The following EIF4EBP2 variants were observed in gnomAD, a reference collection of about 807,000 sequenced individuals.
EIF4EBP2 encodes eukaryotic translation initiation factor 4E-binding protein 2.
EIF4EBP2 carries 5 observed loss-of-function variants against 10.3 expected under a neutral mutation model. That is an observed-to-expected ratio of 0.48 (90% confidence interval 0.25 to 1.02). The LOEUF (loss-of-function observed/expected upper bound fraction) is 1.02, where lower values mean the gene tolerates loss of function less well. Ranked by LOEUF, EIF4EBP2 falls within the 50% of genes least tolerant of loss-of-function variation. The pLI, the probability that EIF4EBP2 is intolerant of heterozygous loss-of-function variation, is 0.15. For synonymous variants in EIF4EBP2, 67 were observed against 61.1 expected (o/e 1.10, Z -0.45); for missense variants, 188 against 162.2 (o/e 1.16, Z -0.86).
intron 1 of EIF4EBP2, among the ~76,000 whole-genome samples, chr10:70,408,972 C>T (rs930969973): frequency 2.0e-5 from 3 of 152,192 alleles, no homozygotes; most frequent in East Asian, 1.9e-4. Context: ...TGGAGGGTCA[C>T]ATACATGTCA....
intron 1 of EIF4EBP2, among the ~76,000 whole-genome samples, chr10:70,418,305 T>C (rs917606045): frequency 2.0e-5 from 3 of 152,352 alleles, no homozygotes; most frequent in Non-Finnish European, 4.4e-5. Flanking sequence ...CCTCCAGAAC[T>C]ATGAGACAAT....
chr10:70,405,207 G>A (rs539233831), intron 1 of EIF4EBP2, among the ~76,000 whole-genome samples: 1 of 152,186 alleles, frequency 6.6e-6, no homozygotes, highest in Admixed American at 6.5e-5. Flanking sequence ...GTAGGGTGCT[G>A]ACAGCCTTAA....
At chr10:70,417,299 T>A (rs1845108070) in intron 1 of EIF4EBP2, among the ~76,000 whole-genome samples, 1 of 151,908 alleles carries the variant, frequency 6.6e-6, no homozygotes, top group African/African-American at 2.4e-5. Context: ...GGTAAAACTA[T>A]ATAGAGACAG....
intron 1 of EIF4EBP2, among the ~76,000 whole-genome samples, chr10:70,419,252 G>T (rs12253011): frequency 0.02 from 3,082 of 152,256 alleles, 43 homozygotes; most frequent in Middle Eastern, 0.12. Flanking sequence ...TAAGCAGCAC[G>T]TTTCCATAAC....
intron 1 of EIF4EBP2, among the ~76,000 whole-genome samples, chr10:70,418,517 C>A (rs1230546184): frequency 1.3e-5 from 2 of 152,140 alleles, no homozygotes; most frequent in Non-Finnish European, 2.9e-5. Context: ...CTTGATAGGG[C>A]TTAGAGACTT....
chr10:70,404,437 C>T lies in EIF4EBP2; in HGVS notation c.36C>T (p.Ser12=). The T allele has an allele frequency of 6.9e-6, 11 of 1,594,228 alleles. No homozygotes were observed. The highest frequency in any genetic ancestry group is 1.1e-5 in the South Asian group (1 of 89,430). ...SSSAGSGHQP[S]QSRAIPTRTV... ...CAGCCGGCAGCGGCCACCAGCCCAG[C>T]CAGAGCCGCGCCATCCCCACCCGCA... The change falls in exon 1 of 3, where the codon AGC becomes AGT. Residue 12 remains serine, a synonymous_variant. Coordinates refer to ENST00000373218, the MANE Select transcript of EIF4EBP2 (RefSeq NM_004096.5).
At chr10:70,413,198 A>G (rs1293638069) in intron 1 of EIF4EBP2, among the ~76,000 whole-genome samples, 3 of 152,084 alleles carry the variant, frequency 2.0e-5, no homozygotes, top group Admixed American at 6.5e-5. Flanking sequence ...TGGCTCCTCT[A>G]GTAGTTATCT....
rs1203410402 is a variant in EIF4EBP2 at position 70,427,805 on chromosome 10, C to CA, written c.*6060dup. ...GGGTGGGAGGCTGGCAGAGATGCTG[C>CA]AATGCTTGATAATCATTTGGCCACA... On this transcript the variant is annotated 3_prime_UTR_variant, in exon 3 of 3. Coordinates refer to ENST00000373218, the MANE Select transcript of EIF4EBP2 (RefSeq NM_004096.5). The CA allele has an allele frequency of 6.6e-6, 1 of 152,104 alleles. No individual in the cohort carries two copies. Among genetic ancestry groups the CA allele is most frequent in the Non-Finnish European group, 1.5e-5 (1 of 68,036 alleles). The allele number at this position is 152,104 out of a possible 1,614,324, so 9.4% of individuals were successfully genotyped here. A position where few individuals can be genotyped will look rare whatever the true frequency, so the allele number is the denominator to read the frequency against.
In EIF4EBP2 at chr10:70,428,222, G is replaced by T. The variant is rs949974949; in HGVS notation, c.*6475G>T. ...AACCTTAAAGAAGGTGTCTTGAAGA[G>T]CCCAGAGGACACTCACGTGCTAAGG... On this transcript the variant is annotated 3_prime_UTR_variant, in exon 3 of 3. Transcript: ENST00000373218. 2.0e-5 allele frequency: 3 copies of T among 151,840 alleles called. No homozygotes were observed. Among genetic ancestry groups the T allele is most frequent in the African/African-American group, 7.3e-5 (3 of 41,356 alleles). 9.4% of individuals were successfully genotyped at this position (151,840 alleles called of 1,614,324 possible).
At position 70,404,560 on chromosome 10, in the gene EIF4EBP2, A is replaced by G. The variant is rs778792323; in HGVS notation, c.145+14A>G. The G allele has an allele frequency of 6.5e-7, 1 of 1,536,982 alleles. No individual in the cohort carries two copies. The highest frequency in any genetic ancestry group is 8.7e-7 in the Non-Finnish European group (1 of 1,146,698). ...CCACACCGGGAGGTGAGCGCCGGCC[A>G]GCCGTCCGCCGCGCCCGGTGTCCCG... On this transcript the variant is annotated intron_variant, in intron 1 of 2. Transcript: ENST00000373218.
At position 70,420,033 on chromosome 10, in the gene EIF4EBP2, G is replaced by T. The variant is rs1240894307; in HGVS notation, c.265G>T (p.Glu89Ter). 6.2e-7 allele frequency: 1 copy of T among 1,613,214 alleles called. No homozygotes were observed. The highest frequency in any genetic ancestry group is 8.5e-7 in the Non-Finnish European group (1 of 1,179,824). ...PGVTSPGTLI[E>*]DSKVEVNNLN... ...AGTCACTAGCCCTGGCACCTTAATTGAAGACTCCAAAGTAGAAGTAAACAA... is the reference window on the plus strand; with the variant it reads ...AGTCACTAGCCCTGGCACCTTAATTTAAGACTCCAAAGTAGAAGTAAACAA... Residue 89 changes from glutamate to a stop codon, truncating the protein, a stop_gained, in exon 2 of 3, where the codon GAA becomes TAA. Transcript: ENST00000373218. LOFTEE classifies it high-confidence loss of function.
rs923738278 is a variant in EIF4EBP2 at position 70,427,688 on chromosome 10, C to T, written c.*5941C>T. 2 of 152,130 alleles carry T rather than the reference C, an allele frequency of 1.3e-5. No homozygotes were observed. The highest frequency in any genetic ancestry group is 2.4e-5 in the African/African-American group (1 of 41,434). 9.4% of individuals were successfully genotyped at this position (152,130 alleles called of 1,614,324 possible). Reference sequence around the variant, plus strand: ...CTCTCTGCCTGCAGCCCTGGCAGACCATACTGTATGTCATGGATACCCAGT... The same window carrying T: ...CTCTCTGCCTGCAGCCCTGGCAGACTATACTGTATGTCATGGATACCCAGT... On this transcript the variant is annotated 3_prime_UTR_variant, in exon 3 of 3. Transcript: ENST00000373218.
intron 1 of EIF4EBP2, among the ~76,000 whole-genome samples, chr10:70,410,366 T>G (rs1845032159): frequency 6.6e-6 from 1 of 152,218 alleles, no homozygotes. Context: ...CCAGCCCTGT[T>G]TCTTTTGTTA....
At chr10:70,410,133 C>T (rs1589146219) in intron 1 of EIF4EBP2, among the ~76,000 whole-genome samples, 1 of 152,106 alleles carries the variant, frequency 6.6e-6, no homozygotes, top group African/African-American at 2.4e-5. Flanking sequence ...GCAATGGCGC[C>T]ATCTTGGCTC....
intron 1 of EIF4EBP2, among the ~76,000 whole-genome samples, chr10:70,412,249 G>A (rs1012491044): frequency 6.6e-6 from 1 of 152,098 alleles, no homozygotes; most frequent in Non-Finnish European, 1.5e-5. Context: ...TTTTATGAGG[G>A]TGTGGGTCCA....
At chr10:70,405,586 C>T (rs563158140) in intron 1 of EIF4EBP2, among the ~76,000 whole-genome samples, 2 of 152,290 alleles carry the variant, frequency 1.3e-5, no homozygotes, top group Admixed American at 6.5e-5. Flanking sequence ...TGGCCTCTTG[C>T]TAGAGGGTGG....
intron 1 of EIF4EBP2, among the ~76,000 whole-genome samples, chr10:70,412,325 G>A (rs1845054360): frequency 6.7e-6 from 1 of 148,782 alleles, no homozygotes; most frequent in African/African-American, 2.5e-5. Flanking sequence ...CTGTCTATTT[G>A]CGTGAGTAAA....
intron 1 of EIF4EBP2, among the ~76,000 whole-genome samples, chr10:70,413,629 AAAG>A (rs1472543272): frequency 1.3e-5 from 2 of 151,618 alleles, no homozygotes; most frequent in East Asian, 1.9e-4. Flanking sequence ...AAAAAAAAAA[AAAG>A]AAATCAGAGT....
intron 1 of EIF4EBP2, among the ~76,000 whole-genome samples, chr10:70,414,916 G>T (rs1845077900): frequency 1.3e-5 from 2 of 151,944 alleles, no homozygotes; most frequent in Admixed American, 6.6e-5. Context: ...CATCATTTTG[G>T]AAGGCTGAGG....
Sources: allele counts gnomAD v4.1 joint callset (sites outside exome capture counted in the v4.1 genomes callset), GRCh38; gene constraint gnomAD v4.1.1; transcripts MANE v1.5; gene names NCBI Gene and HGNC (gene_info 2026-07-23, HGNC 2026-07-21).